The following KDM2B variants were observed in gnomAD, a reference collection of about 807,000 sequenced individuals.
KDM2B encodes the protein lysine demethylase 2B, also known as lysine-specific demethylase 2B.
A neutral mutation model predicts 150.0 loss-of-function variants in KDM2B; 26 were observed. That is an observed-to-expected ratio of 0.17 (90% confidence interval 0.13 to 0.24). The LOEUF is 0.24. Ranked by LOEUF, KDM2B falls within the 10% of genes least tolerant of loss-of-function variation. KDM2B has a pLI of 1.00. For synonymous variants in KDM2B, 734 were observed against 729.5 expected (o/e 1.01, Z -0.10); for missense variants, 1,265 against 1,816.9 (o/e 0.70, Z 5.52).
At chr12:121,450,531 CCATAA>C (rs1401111907) in intron 13 of KDM2B, among the ~76,000 whole-genome samples, 4 of 152,004 alleles carry the variant, frequency 2.6e-5, no homozygotes, top group African/African-American at 9.7e-5. Flanking sequence ...AACTGAAAGC[CCATAA>C]CATAACAGAT....
intron 6 of KDM2B, among the ~76,000 whole-genome samples, chr12:121,535,838 G>C (rs1374255591): frequency 6.6e-6 from 1 of 151,980 alleles, no homozygotes; most frequent in Non-Finnish European, 1.5e-5. Context: ...AGCTGAAGGA[G>C]GAGGGGGCAC....
intron 13 of KDM2B, among the ~76,000 whole-genome samples, chr12:121,448,012 T>C (rs1256996425): frequency 6.6e-6 from 1 of 150,992 alleles, no homozygotes; most frequent in Non-Finnish European, 1.5e-5. Context: ...TTAAGATAAA[T>C]TTAAAATCTA....
At chr12:121,478,505 T>A (rs7972181) in intron 12 of KDM2B, among the ~76,000 whole-genome samples, 2 of 150,220 alleles carry the variant, frequency 1.3e-5, no homozygotes, top group Non-Finnish European at 3.0e-5. Flanking sequence ...GACTACAGGC[T>A]CCCGCCACTA....
intron 6 of KDM2B, among the ~76,000 whole-genome samples, chr12:121,547,314 A>T (rs1311062034): frequency 6.6e-6 from 1 of 152,186 alleles, no homozygotes; most frequent in East Asian, 1.9e-4. Context: ...GATCCAAGGC[A>T]TGGATGGAGC....
intron 6 of KDM2B, among the ~76,000 whole-genome samples, chr12:121,539,644 G>A (rs528981568): frequency 1.0e-3 from 154 of 152,132 alleles, no homozygotes; most frequent in African/African-American, 3.6e-3. Context: ...GGCCCCAGAA[G>A]CACTTGGTTT....
chr12:121,414,400 T>C, the KDM2B span, among the ~76,000 whole-genome samples: 1 of 151,250 alleles, frequency 6.6e-6, no homozygotes, highest in East Asian at 2.0e-4. Flanking sequence ...TATTCTTTTA[T>C]GTATACTTGG....
rs782078444 is a variant in KDM2B, at chr12:121,430,453, A to T, written c.3846T>A (p.Thr1282=). The T allele has an allele frequency of 6.2e-7, 1 of 1,613,950 alleles. No homozygotes were observed. Among genetic ancestry groups the T allele is most frequent in the South Asian group, 1.1e-5 (1 of 91,076 alleles). Residue 1282 remains threonine (T), a synonymous_variant, in exon 23 of 23, where the codon ACT becomes ACA. Transcript: ENST00000377071. The surrounding 1 kb of genome is among the most constrained non-coding windows in gnomAD (Gnocchi z 4.4). The part of the protein sequence containing the change: ...EINLSDCNKV[T]DQCLSFFKRC... ...GTTTGAAGAAGGACAGGCACTGATC[A>T]GTGACCTTATTGCAGTCTGCAGAGA...
chr12:121,507,099 G>GA (rs577971662), intron 11 of KDM2B, among the ~76,000 whole-genome samples: 779 of 39,382 alleles, frequency 0.02, 9 homozygotes, highest in African/African-American at 0.05. Flanking sequence ...TCTGTCTCAA[G>GA]AAAAAAAAAA....
At position 121,442,699 on chromosome 12, in the gene KDM2B, G is replaced by T; in HGVS notation, c.2742C>A (p.Ser914=). 6.3e-7 allele frequency: 1 copy of T among 1,594,436 alleles called. No individual in the cohort carries two copies. ...CTTCGGTGCTGGGTCCCGCGGTGGG[G>T]GAGCTGGAGCGGGAGTGGTCGCTCT... The part of the protein sequence containing the change: ...TRESDHSRSS[S]PTAGPSTEGA... The change falls in exon 19 of 23, where the codon TCC becomes TCA. Residue 914 remains serine (S), a synonymous_variant. Coordinates refer to ENST00000377071, the MANE Select transcript of KDM2B (RefSeq NM_032590.5). This position sits in a 1 kb window ranked among gnomAD's most constrained non-coding sequence, Gnocchi z 7.7.
intron 12 of KDM2B, among the ~76,000 whole-genome samples, chr12:121,457,770 AC>A (rs1555293096): frequency 1.7e-4 from 26 of 151,294 alleles, no homozygotes; most frequent in Non-Finnish European, 7.4e-5. Context: ...ACACACACAC[AC>A]ACACAAATAT....
In KDM2B at chr12:121,451,062, G is replaced by A. The variant is rs1481643443; in HGVS notation, c.1959+2058C>T. ...AACTGTGTGGGTCCGCTTATATGCC[G>A]ATTTTTTTTCAACAAAAGTTATACT... On this transcript the variant is annotated intron_variant, in intron 13 of 22. Coordinates refer to ENST00000377071, the MANE Select transcript of KDM2B (RefSeq NM_032590.5). 8.5e-5 allele frequency among the ~76,000 whole-genome samples: 13 copies of A among 152,094 alleles called. No individual in the cohort carries two copies. In the East Asian group the frequency reaches 1.9e-3, roughly 23 times the overall value.
At chr12:121,465,526 G>A (rs1243174591) in intron 12 of KDM2B, among the ~76,000 whole-genome samples, 10 of 152,160 alleles carry the variant, frequency 6.6e-5, no homozygotes, top group African/African-American at 1.9e-4. Flanking sequence ...GAGCCACCGC[G>A]CACGGCCTAC....
At position 121,520,038 on chromosome 12, in the gene KDM2B, G is replaced by A. The variant is rs1341463224; in HGVS notation, c.1047+947C>T. On this transcript the variant is annotated intron_variant, in intron 9 of 22. Transcript: ENST00000377071. This position sits in a 1 kb window ranked among gnomAD's most constrained non-coding sequence, Gnocchi z 4.5. ...CTCTCAAGTAGCTGGGACTACAGGCGTACACCACCACGCCCAGCTTTTTTG... is the reference window on the plus strand; with the variant it reads ...CTCTCAAGTAGCTGGGACTACAGGCATACACCACCACGCCCAGCTTTTTTG... 2.6e-5 allele frequency among the ~76,000 whole-genome samples: 4 copies of A among 152,056 alleles called. No individual in the cohort carries two copies. The highest frequency in any genetic ancestry group is 3.9e-4 in the East Asian group (2 of 5,192).
chr12:121,488,300 A>G (rs1276281648), intron 12 of KDM2B, among the ~76,000 whole-genome samples: 1 of 152,076 alleles, frequency 6.6e-6, no homozygotes, highest in African/African-American at 2.4e-5. Context: ...CTCGATTTCT[A>G]TCAAGAACAT....
At chr12:121,512,882 A>C (rs1352677365) in intron 10 of KDM2B, among the ~76,000 whole-genome samples, 1 of 152,202 alleles carries the variant, frequency 6.6e-6, no homozygotes, top group Non-Finnish European at 1.5e-5. Flanking sequence ...ATCTCACAGG[A>C]CTGCTCTTAC....
chr12:121,544,410 G>C (rs778502088), intron 6 of KDM2B, among the ~76,000 whole-genome samples: 13 of 152,102 alleles, frequency 8.5e-5, no homozygotes, highest in Non-Finnish European at 1.3e-4. Context: ...AGGAGCTCAA[G>C]ACCAGCTTGG....
chr12:121,417,985 G>A, the KDM2B span: 2 of 1,437,398 alleles, frequency 1.4e-6, no homozygotes, highest in Admixed American at 4.2e-5. This position sits in a 1 kb window ranked among gnomAD's most constrained non-coding sequence, Gnocchi z 5.0. Flanking sequence ...GGCCTTTAGT[G>A]CTTGATGACT....
chr12:121,580,270 G>T, intron 1 of KDM2B: 1 of 1,225,614 alleles, frequency 8.2e-7, no homozygotes, highest in Non-Finnish European at 1.0e-6. Flanking sequence ...GGGAGGCGTC[G>T]ACGTCATAAT....
At chr12:121,517,436 C>T (rs537333976) in intron 9 of KDM2B, among the ~76,000 whole-genome samples, 1 of 151,872 alleles carries the variant, frequency 6.6e-6, no homozygotes, top group African/African-American at 2.4e-5. Flanking sequence ...ATAGGGGTCC[C>T]CACCTTGGGC....
Sources: gnomAD v4.1 joint callset for allele counts (sites outside exome capture counted in the v4.1 genomes callset) on GRCh38, gnomAD v4.1.1 for gene constraint, Gnocchi (gnomAD v3.1) non-coding constraint, MANE v1.5 for transcripts, NCBI Gene and HGNC (gene_info 2026-07-23, HGNC 2026-07-21) for gene names.